Variants in TMEM164 observed in about 807,000 individuals in gnomAD.
TMEM164 encodes the protein transmembrane protein 164, also known as RP13-360B22.2.
In TMEM164, 4 loss-of-function variants were observed where a neutral mutation model predicts 18.8. The ratio of observed to expected loss-of-function variants is 0.21; its 90% CI spans 0.10 to 0.49. The LOEUF (loss-of-function observed/expected upper bound fraction) is 0.49. Ranked by LOEUF, TMEM164 falls within the 20% of genes least tolerant of loss-of-function variation. TMEM164 has a pLI of 0.98. For missense variants in TMEM164, 108 were observed against 239.9 expected (o/e 0.45, Z 3.63); for synonymous variants, 86 against 101.7 (o/e 0.85, Z 0.93).
intron 3 of TMEM164, among the ~76,000 whole-genome samples, chrX:110,073,446 G>A (rs1259455075): frequency 8.9e-6 from 1 of 112,009 alleles, no homozygotes; most frequent in Non-Finnish European, 1.9e-5. Context: ...TAGGATAATG[G>A]CCTCAGCTGC....
intron 3 of TMEM164, chrX:110,082,336 G>A (rs2065771549): frequency 8.8e-6 from 1 of 113,442 alleles, no homozygotes; most frequent in Non-Finnish European, 1.9e-5. Flanking sequence ...CAGCGTCAGA[G>A]TTGTTTGTTG....
intron 3 of TMEM164, among the ~76,000 whole-genome samples, 181 bp downstream of exon 3, chrX:110,067,577 T>C (rs1188258912): frequency 1.8e-5 from 2 of 112,409 alleles, no homozygotes; most frequent in Non-Finnish European, 3.8e-5. Context: ...TGTGAAGACC[T>C]GGTTTTTGTC....
intron 2 of TMEM164, chrX:110,020,271 A>G: frequency 1.8e-6 from 1 of 545,235 alleles, no homozygotes; most frequent in South Asian, 9.4e-5. Flanking sequence ...AGTCTAGTCC[A>G]ATCCCTTTGT....
intron 5 of TMEM164, among the ~76,000 whole-genome samples, chrX:110,148,509 T>C (rs112009908): frequency 0.044 from 4,766 of 108,652 alleles, 275 homozygotes; most frequent in African/African-American, 0.15. Flanking sequence ...TTCTTTTTCT[T>C]TCTTTTTTTT....
intron 5 of TMEM164, among the ~76,000 whole-genome samples, chrX:110,154,550 G>A (rs1361756131): frequency 9.9e-5 from 11 of 111,608 alleles, no homozygotes; most frequent in Non-Finnish European, 1.3e-4. Flanking sequence ...CTCCAGAATA[G>A]CTAGAAGTAC....
chrX:110,107,161 C>T (rs930413059), intron 3 of TMEM164, among the ~76,000 whole-genome samples: 2 of 111,731 alleles, frequency 1.8e-5, no homozygotes, highest in Non-Finnish European at 3.8e-5. Flanking sequence ...TAACCTTCCA[C>T]CTGAGGTCAT....
At chrX:110,021,349 G>C (rs1307113741) in intron 2 of TMEM164, among the ~76,000 whole-genome samples, 1 of 111,282 alleles carries the variant, frequency 9.0e-6, no homozygotes, top group Admixed American at 9.6e-5. Context: ...TGTGGCTGGT[G>C]GGGGTGAGGC....
At chrX:110,046,984 A>G (rs762721357) in intron 2 of TMEM164, among the ~76,000 whole-genome samples, 29 of 111,957 alleles carry the variant, frequency 2.6e-4, no homozygotes, top group Non-Finnish European at 4.7e-4. Context: ...GAGTCCGGAT[A>G]TTGGAGTGGG....
intron 4 of TMEM164, among the ~76,000 whole-genome samples, chrX:110,124,467 A>T (rs1203543587): frequency 9.0e-6 from 1 of 110,924 alleles, no homozygotes; most frequent in Non-Finnish European, 1.9e-5. Context: ...AGTGGAGTGA[A>T]CTGAGACTTT....
At chrX:110,124,243 G>A (rs1445777727) in intron 4 of TMEM164, among the ~76,000 whole-genome samples, 1 of 110,863 alleles carries the variant, frequency 9.0e-6, no homozygotes, top group African/African-American at 3.3e-5. Context: ...TGGACGGAAA[G>A]AGGGAAGCAG....
chrX:110,124,176 AAGGC>A lies in TMEM164; in HGVS notation c.507+15034_507+15037del, dbSNP rs1182349521. On this transcript the variant is annotated intron_variant, in intron 4 of 6. Transcript: ENST00000372068. The stretch of plus-strand genomic sequence containing the variant: ...GAAGGAAGGAAGGAAGGAAGGAAGG[AAGGC>A]AGGAAGGCAGGCAGGCAGGCAGGCA... Among the ~76,000 whole-genome samples the A allele has an allele frequency of 1.8e-4, 14 of 77,167 alleles. No homozygotes were observed. In the East Asian group the frequency reaches 1.9e-3, roughly 10 times the overall value. 67.0% of individuals were successfully genotyped at this position (77,167 alleles called of 115,157 possible).
At chrX:110,055,957 A>G (rs1392979334) in intron 2 of TMEM164, among the ~76,000 whole-genome samples, 1 of 111,221 alleles carries the variant, frequency 9.0e-6, no homozygotes, top group Non-Finnish European at 1.9e-5. Flanking sequence ...CAATTAAGGA[A>G]TTTGGACTTT....
At chrX:110,143,959 C>T (rs1045894928) in intron 4 of TMEM164, among the ~76,000 whole-genome samples, 2 of 111,819 alleles carry the variant, frequency 1.8e-5, no homozygotes, top group African/African-American at 3.3e-5. Flanking sequence ...CTGCCCGCTG[C>T]GAAGCTCTAC....
chrX:110,092,851 A>G (rs980690794), intron 3 of TMEM164, among the ~76,000 whole-genome samples: 1 of 112,053 alleles, frequency 8.9e-6, no homozygotes, highest in Non-Finnish European at 1.9e-5. Context: ...TGGATTTCTC[A>G]TAAATAGCTC....
Position 110,044,001 on chromosome X carries a change from A to G in TMEM164, c.391-23346A>G, listed in dbSNP as rs189174326. On this transcript the variant is annotated intron_variant, in intron 2 of 6. Coordinates refer to ENST00000372068, the MANE Select transcript of TMEM164 (RefSeq NM_032227.4). ...GTGAAGGAAATGTAAGGGATTTTGAAGGGCTATTTTGAAGAAGTGATGATA... is the reference window on the plus strand; with the variant it reads ...GTGAAGGAAATGTAAGGGATTTTGAGGGGCTATTTTGAAGAAGTGATGATA... Among the ~76,000 whole-genome samples, 50 of 112,306 alleles carry G rather than the reference A, an allele frequency of 4.5e-4. 1 individual carries two copies. The highest frequency in any genetic ancestry group is 1.6e-3 in the African/African-American group (49 of 30,941).
At chrX:110,015,797 T>TCTCC (rs1933330521) in intron 2 of TMEM164, among the ~76,000 whole-genome samples, 1 of 111,972 alleles carries the variant, frequency 8.9e-6, no homozygotes, top group Non-Finnish European at 1.9e-5. Flanking sequence ...TACATTTGGA[T>TCTCC]CTCCCTTCTG....
At chrX:110,023,997 G>T (rs1190196859) in intron 2 of TMEM164, among the ~76,000 whole-genome samples, 2 of 111,672 alleles carry the variant, frequency 1.8e-5, no homozygotes, top group African/African-American at 6.5e-5. Flanking sequence ...CTGAGATTCA[G>T]TTTCTGCCTC....
At chrX:110,098,005 G>A (rs1398589417) in intron 3 of TMEM164, among the ~76,000 whole-genome samples, 2 of 111,572 alleles carry the variant, frequency 1.8e-5, no homozygotes, top group East Asian at 5.6e-4. Flanking sequence ...TACTACCACA[G>A]ACAGGGTTTA....
chrX:110,017,091 C>T (rs1352502377), intron 2 of TMEM164, among the ~76,000 whole-genome samples: 1 of 112,164 alleles, frequency 8.9e-6, no homozygotes, highest in African/African-American at 3.2e-5. Flanking sequence ...CTGAAAGAAA[C>T]CTCTGAGAAC....
Sources: gnomAD v4.1 joint callset for allele counts (sites outside exome capture counted in the v4.1 genomes callset) on GRCh38, gnomAD v4.1.1 for gene constraint, MANE v1.5 for transcripts, NCBI Gene and HGNC (gene_info 2026-07-23, HGNC 2026-07-21) for gene names.